The following NCOR2 variants were observed in gnomAD, a reference collection of about 807,000 sequenced individuals.
NCOR2 encodes the protein CTG repeat protein 26.
A neutral mutation model predicts 262.9 loss-of-function variants in NCOR2; 81 were observed. That is an observed-to-expected ratio of 0.31 (90% confidence interval 0.26 to 0.37). The LOEUF is 0.37. NCOR2 is among the 10% of genes least tolerant of loss of function. NCOR2 has a pLI of 1.00. For synonymous variants in NCOR2, 1,659 were observed against 1,559.3 expected (o/e 1.06, Z -1.51); for missense variants, 3,385 against 3,621.4 (o/e 0.93, Z 1.68).
chr12:124,411,255 T>C lies in NCOR2; in HGVS notation c.1483-8694A>G, dbSNP rs2042567459. Among the ~76,000 whole-genome samples the C allele has an allele frequency of 2.6e-5, 4 of 151,586 alleles. No homozygotes were observed. The South Asian group carries it at 8.4e-4, about 32-fold the overall frequency. ...GAAGAGAAACAGACGTAGCCACCCG[T>C]GTGCGCGCATACACACACAGAGAGA... On this transcript the variant is annotated intron_variant, in intron 13 of 46. Coordinates refer to ENST00000405201, the Ensembl canonical transcript of NCOR2.
chr12:124,557,484 A>T (rs529729296), intron 1 of NCOR2, among the ~76,000 whole-genome samples: 3 of 152,032 alleles, frequency 2.0e-5, no homozygotes, highest in Non-Finnish European at 4.4e-5. Flanking sequence ...TTGTCCTCTT[A>T]TAAGGACACG....
At chr12:124,467,840 T>C in intron 4 of NCOR2, among the ~76,000 whole-genome samples, 1 of 56,042 alleles carries the variant, frequency 1.8e-5, no homozygotes. Context: ...CTCATCCTCA[T>C]CACCCCTTCA....
chr12:124,333,091 A>T (rs1199481299), intron 42 of NCOR2, 39 bp downstream of exon 44: 1 of 1,558,452 alleles, frequency 6.4e-7, no homozygotes, highest in East Asian at 2.3e-5. Context: ...AAGGGATACC[A>T]GAGCATCCCG....
At chr12:124,340,234 G>A (rs751583027) in intron 36 of NCOR2, 30 bp from the exon 39 acceptor site, 1 of 1,605,632 alleles carries the variant, frequency 6.2e-7, no homozygotes, top group Non-Finnish European at 8.5e-7. Flanking sequence ...TCAGCAGGGG[G>A]AGGCCTCTTG....
Position 124,400,491 on chromosome 12 carries a change from C to T in NCOR2, c.1813+10G>A, listed in dbSNP as rs758060026. The T allele has an allele frequency of 1.9e-6, 3 of 1,608,910 alleles. No individual in the cohort carries two copies. The Admixed American group carries it at 5.0e-5, about 27-fold the overall frequency. ...CCCTTCCCCACCCGCATCCCTGGCC[C>T]CCAGCTCACCCAGCTCGGCGCTCTG... On this transcript the variant is annotated intron_variant, in intron 15 of 46. Coordinates refer to ENST00000405201, the Ensembl canonical transcript of NCOR2.
At chr12:124,336,768 C>T (rs752116393) in exon 38 of NCOR2, 1 of 1,613,100 alleles carries the variant, frequency 6.2e-7, no homozygotes, top group African/African-American at 1.3e-5. Context: ...GAACGGAGTT[C>T]CAGTTCCTGG....
chr12:124,386,540 G>A (rs550570315), intron 16 of NCOR2, among the ~76,000 whole-genome samples: 5 of 152,212 alleles, frequency 3.3e-5, no homozygotes, highest in East Asian at 1.9e-4. Flanking sequence ...GCTTGGTTGC[G>A]CAGCTGGAAT....
intron 7 of NCOR2, among the ~76,000 whole-genome samples, chr12:124,442,666 G>T (rs955411897): frequency 6.6e-6 from 1 of 152,200 alleles, no homozygotes; most frequent in African/African-American, 2.4e-5. Flanking sequence ...TTTGGGGTTT[G>T]CAGGTGGTAC....
chr12:124,325,378 C>CCCCCA, exon 47 of NCOR2: 3 of 232,298 alleles, frequency 1.3e-5, no homozygotes, highest in East Asian at 6.1e-5. Context: ...CCTGACACCG[C>CCCCCA]CCCCCCCCCC....
chr12:124,418,450 G>A (rs1386634060), intron 13 of NCOR2, among the ~76,000 whole-genome samples: 3 of 139,686 alleles, frequency 2.1e-5, no homozygotes, highest in African/African-American at 2.6e-5. Flanking sequence ...TATGGGTCTC[G>A]ACCTCTGGCA....
Position 124,483,239 on chromosome 12 carries a change from C to A in NCOR2, c.411+357G>T, listed in dbSNP as rs1298284548. ...ACCGACCACAGGACGGTCCTGACCC[C>A]CATCGAATGGCAGCTCTCTGCTCCA... On this transcript the variant is annotated intron_variant, in intron 3 of 46. Coordinates refer to ENST00000405201, the Ensembl canonical transcript of NCOR2. The surrounding 1 kb of genome is among the most constrained non-coding windows in gnomAD (Gnocchi z 6.3). Among the ~76,000 whole-genome samples, 1 of 152,118 alleles carries A rather than the reference C, an allele frequency of 6.6e-6. No homozygotes were observed. Among genetic ancestry groups the A allele is most frequent in the Non-Finnish European group, 1.5e-5 (1 of 68,014 alleles).
At chr12:124,355,168 G>A in intron 24 of NCOR2, 1 of 613,840 alleles carries the variant, frequency 1.6e-6, no homozygotes, top group East Asian at 2.9e-5. Flanking sequence ...TTCGCAGTGG[G>A]GGAAACAGGA....
chr12:124,338,665 C>T (rs535003862), intron 37 of NCOR2, among the ~76,000 whole-genome samples: 1 of 152,140 alleles, frequency 6.6e-6, no homozygotes, highest in South Asian at 2.1e-4. Context: ...TTTGTCCAGG[C>T]AAGAGGGACA....
intron 7 of NCOR2, among the ~76,000 whole-genome samples, 172 bp from the exon 10 acceptor site, chr12:124,438,168 A>G (rs2044477102): frequency 6.6e-6 from 1 of 152,016 alleles, no homozygotes; most frequent in Admixed American, 6.5e-5. Flanking sequence ...GCCAACGTGC[A>G]TCCTTACTCC....
chr12:124,417,523 C>T (rs1052740302), intron 13 of NCOR2, among the ~76,000 whole-genome samples: 2 of 151,800 alleles, frequency 1.3e-5, no homozygotes, highest in African/African-American at 2.4e-5. Context: ...AGCCTCAATG[C>T]CCCCAAACAG....
At chr12:124,337,029 G>C in exon 38 of NCOR2, 1 of 1,502,856 alleles carries the variant, frequency 6.7e-7, no homozygotes, top group Non-Finnish European at 8.9e-7. Context: ...GCTCGGGGCC[G>C]CTCTGGCCGG....
At chr12:124,461,519 C>T (rs2046161488) in intron 5 of NCOR2, among the ~76,000 whole-genome samples, 1 of 152,240 alleles carries the variant, frequency 6.6e-6, no homozygotes. Flanking sequence ...TCCTTAGTCA[C>T]CTATGCAGAC....
chr12:124,458,656 G>A (rs1402724980), intron 5 of NCOR2, among the ~76,000 whole-genome samples: 1 of 152,240 alleles, frequency 6.6e-6, no homozygotes, highest in African/African-American at 2.4e-5. Flanking sequence ...GTACAGGCAG[G>A]AGTAGCCCCA....
At chr12:124,360,631 G>GAGA (rs773003193) in intron 22 of NCOR2, among the ~76,000 whole-genome samples, 7 of 152,054 alleles carry the variant, frequency 4.6e-5, no homozygotes, top group Non-Finnish European at 1.0e-4. Context: ...CACACAATCC[G>GAGA]GTCCCCACTT....
Sources: gnomAD v4.1 joint callset for allele counts (sites outside exome capture counted in the v4.1 genomes callset) on GRCh38, gnomAD v4.1.1 for gene constraint, Gnocchi (gnomAD v3.1) non-coding constraint, MANE v1.5 for transcripts, NCBI Gene and HGNC (gene_info 2026-07-23, HGNC 2026-07-21) for gene names.